UNC5C: variants seen among roughly 807,000 people sequenced by gnomAD.
The protein encoded by UNC5C is netrin receptor UNC5C.
A neutral mutation model predicts 99.8 loss-of-function variants in UNC5C; 47 were observed. That is an observed-to-expected ratio of 0.47 (90% CI 0.37 to 0.60). UNC5C has a LOEUF of 0.60. Among genes scored for constraint, UNC5C ranks in the 20% least tolerant of loss-of-function variants. The pLI is 0.00. For missense variants in UNC5C, 1,062 were observed against 1,165.9 expected, an observed-to-expected ratio of 0.91 and a Z score of 1.30; for synonymous variants, 487 against 452.2, an observed-to-expected ratio of 1.08 and a Z score of -0.98.
intron 4 of UNC5C, among the ~76,000 whole-genome samples, chr4:95,266,144 T>C (rs1579281251): frequency 6.6e-6 from 1 of 152,218 alleles, no homozygotes; most frequent in Admixed American, 6.5e-5. Context: ...AATTTACCAC[T>C]GCACAGGACT....
intron 1 of UNC5C, among the ~76,000 whole-genome samples, chr4:95,491,369 C>T (rs903975049): frequency 1.3e-5 from 2 of 151,678 alleles, no homozygotes; most frequent in Non-Finnish European, 1.5e-5. Flanking sequence ...GGATAAGAAA[C>T]ATTTGGTGTT....
intron 2 of UNC5C, among the ~76,000 whole-genome samples, chr4:95,328,040 C>CTTTTTTTTTTTTTTTTTTT (rs34794058): frequency 2.3e-5 from 2 of 87,080 alleles, no homozygotes; most frequent in Non-Finnish European, 4.4e-5. Context: ...CAGGCAACTT[C>CTTTTTTTTTTTTTTTTTTT]TTTTTTTTTT....
intron 1 of UNC5C, among the ~76,000 whole-genome samples, chr4:95,522,907 A>AT (rs1722397921): frequency 2.0e-5 from 3 of 151,910 alleles, no homozygotes; most frequent in Non-Finnish European, 2.9e-5. Flanking sequence ...CAGGGACCAG[A>AT]GCAAAGCACA....
intron 2 of UNC5C, among the ~76,000 whole-genome samples, chr4:95,313,198 C>T (rs1465498331): frequency 6.6e-6 from 1 of 152,076 alleles, no homozygotes; most frequent in Non-Finnish European, 1.5e-5. Context: ...GAGTAGTTTA[C>T]ATTCATTGAG....
At chr4:95,415,556 G>A (rs536553457) in intron 1 of UNC5C, among the ~76,000 whole-genome samples, 1 of 152,204 alleles carries the variant, frequency 6.6e-6, no homozygotes, top group East Asian at 1.9e-4. Context: ...TTGTTTATGT[G>A]CCACTTTTCT....
Position 95,266,857 on chromosome 4 carries a change from T to G in UNC5C, c.594+11402A>C, listed in dbSNP as rs376768769. Among the ~76,000 whole-genome samples, 89 of 152,334 alleles carry G rather than the reference T, an allele frequency of 5.8e-4. 1 individual carries two copies. The highest frequency in any genetic ancestry group is 2.1e-3 in the African/African-American group (89 of 41,576). On this transcript the variant is annotated intron_variant, in intron 4 of 15. Transcript: ENST00000453304. ...ATTAAATTTTCCAGTGGATTATCCA[T>G]TTATAGCTGGTCACTAAATATGGGA...
At chr4:95,405,381 C>T (rs1250357196) in intron 1 of UNC5C, among the ~76,000 whole-genome samples, 3 of 152,138 alleles carry the variant, frequency 2.0e-5, no homozygotes, top group African/African-American at 7.2e-5. Context: ...CGTCTTGTGG[C>T]CCTGTGAGGG....
chr4:95,281,381 A>G (rs974657011), intron 3 of UNC5C, among the ~76,000 whole-genome samples: 2 of 152,204 alleles, frequency 1.3e-5, no homozygotes, highest in African/African-American at 4.8e-5. Flanking sequence ...TGTGCTTATG[A>G]AAAGCCTTTC....
intron 1 of UNC5C, among the ~76,000 whole-genome samples, chr4:95,430,419 A>T (rs1048529358): frequency 3.3e-5 from 5 of 152,102 alleles, no homozygotes; most frequent in Non-Finnish European, 7.4e-5. Context: ...GTCATGATTA[A>T]ATGTACCCAA....
At position 95,206,675 on chromosome 4, in the gene UNC5C, C is replaced by T. The variant is rs1488312392; in HGVS notation, c.1855G>A (p.Asp619Asn). Residue 619 changes from aspartate (D) to asparagine (N), a missense_variant, in exon 11 of 16, where the codon GAC becomes AAC. This residue lies in a region of UNC5C where 810 missense variants were observed against 854.5 expected (regional missense o/e 0.95). Transcript: ENST00000453304. ...MHHCADPNTEDWKILLKNQAA... is the reference protein window; with the variant it reads ...MHHCADPNTENWKILLKNQAA... ...TGGTTCTTGAGCAGTATTTTCCAGT[C>T]CTCGGTATTGGGGTCTGCGCAGTGA... 2.5e-6 allele frequency: 4 copies of T among 1,614,024 alleles called. No homozygotes were observed. Among genetic ancestry groups the T allele is most frequent in the East Asian group, 4.5e-5 (2 of 44,882 alleles).
chr4:95,364,134 A>G (rs1173193776), intron 1 of UNC5C, among the ~76,000 whole-genome samples: 1 of 152,134 alleles, frequency 6.6e-6, no homozygotes, highest in African/African-American at 2.4e-5. Context: ...CACTTCCTGG[A>G]CTGCATTTCA....
intron 14 of UNC5C, 58 bp from the exon 15 acceptor site, chr4:95,170,390 A>C: frequency 6.4e-7 from 1 of 1,567,162 alleles, no homozygotes; most frequent in East Asian, 2.3e-5. Flanking sequence ...AGCAATCTCT[A>C]TTGAACCAAT....
chr4:95,361,664 C>T (rs1444392401), intron 1 of UNC5C, among the ~76,000 whole-genome samples: 1 of 152,154 alleles, frequency 6.6e-6, no homozygotes, highest in East Asian at 1.9e-4. Flanking sequence ...ACAAAACAAA[C>T]ATTTCAGTAG....
At chr4:95,456,998 CTG>C (rs142501131) in intron 1 of UNC5C, among the ~76,000 whole-genome samples, 12 of 152,194 alleles carry the variant, frequency 7.9e-5, no homozygotes, top group African/African-American at 2.6e-4. Flanking sequence ...CCAGAAAATT[CTG>C]TGCATTTGCA....
intron 1 of UNC5C, among the ~76,000 whole-genome samples, chr4:95,353,405 T>C (rs1297698819): frequency 6.6e-6 from 1 of 151,928 alleles, no homozygotes; most frequent in Non-Finnish European, 1.5e-5. Context: ...ATATCAAAAA[T>C]ATGCATGCAT....
In UNC5C at chr4:95,169,411, A is replaced by G; in HGVS notation, c.2631-12T>C. The G allele has an allele frequency of 1.2e-6, 2 of 1,613,580 alleles. No individual in the cohort carries two copies. Among genetic ancestry groups the G allele is most frequent in the Non-Finnish European group, 1.7e-6 (2 of 1,179,582 alleles). On this transcript the variant is annotated splice_polypyrimidine_tract_variant and intron_variant, in intron 15 of 15. Coordinates refer to ENST00000453304, the MANE Select transcript of UNC5C (RefSeq NM_003728.4). ...AGTAATTCAAGTACCTGTAATTGGG[A>G]AAGAGAAAATGTGCTCAACAGTGTG...
intron 1 of UNC5C, among the ~76,000 whole-genome samples, chr4:95,401,484 T>C (rs1340059781): frequency 6.6e-6 from 1 of 151,836 alleles, no homozygotes; most frequent in African/African-American, 2.4e-5. Flanking sequence ...TTTTGTAGCT[T>C]TTTGCAGTGA....
intron 4 of UNC5C, among the ~76,000 whole-genome samples, chr4:95,256,615 C>G (rs1344295614): frequency 6.6e-6 from 1 of 150,736 alleles, no homozygotes; most frequent in Non-Finnish European, 1.5e-5. Flanking sequence ...ATTTTCAAGA[C>G]TGTAGTTAGA....
chr4:95,521,393 T>A (rs1487257871), intron 1 of UNC5C, among the ~76,000 whole-genome samples: 1 of 151,762 alleles, frequency 6.6e-6, no homozygotes, highest in Non-Finnish European at 1.5e-5. Flanking sequence ...TAATTTTGTA[T>A]TTTTAGTAGA....
Sources: gnomAD v4.1 joint callset for allele counts (sites outside exome capture counted in the v4.1 genomes callset) on GRCh38, gnomAD v4.1.1 for gene constraint, gnomAD v4.1.1 regional missense constraint, MANE v1.5 for transcripts, NCBI Gene and HGNC (gene_info 2026-07-23, HGNC 2026-07-21) for gene names.